The following PMS1 variants were observed in gnomAD, a reference collection of about 807,000 sequenced individuals.
PMS1 encodes the protein PMS1 homolog 1, mismatch repair system component.
In PMS1, 79 loss-of-function variants were observed where a neutral mutation model predicts 93.1. The ratio of observed to expected loss-of-function variants is 0.85; its 90% CI spans 0.71 to 1.02. The LOEUF is 1.02. Among genes scored for constraint, PMS1 ranks in the 50% least tolerant of loss-of-function variants. The pLI is 0.00. For synonymous variants in PMS1, 335 were observed against 363.4 expected (o/e 0.92, Z 0.89); for missense variants, 1,064 against 1,085.3 (o/e 0.98, Z 0.28).
chr2:189,793,252 C>T (rs2049051228), intron 2 of PMS1, among the ~76,000 whole-genome samples: 1 of 152,192 alleles, frequency 6.6e-6, no homozygotes, highest in African/African-American at 2.4e-5. Flanking sequence ...CAGTGGTTCT[C>T]ATGATGTTTG....
chr2:189,784,811 C>T (rs1480208972), intron 1 of PMS1: 1 of 152,310 alleles, frequency 6.6e-6, no homozygotes, highest in African/African-American at 2.4e-5. Flanking sequence ...TTTGTTGCGT[C>T]CCATTCCCCA....
At position 189,795,933 on chromosome 2, in the gene PMS1, A is replaced by G; in HGVS notation, c.297A>G (p.Ser99=). The G allele has an allele frequency of 6.2e-7, 1 of 1,609,870 alleles. No individual in the cohort carries two copies. Among genetic ancestry groups the G allele is most frequent in the Non-Finnish European group, 8.5e-7 (1 of 1,176,078 alleles). The change falls in exon 3 of 13, where the codon TCA becomes TCG. Residue 99 remains serine, a synonymous_variant. Coordinates refer to ENST00000441310, the MANE Select transcript of PMS1 (RefSeq NM_000534.5). ...TYGFRGEALG[S]ICCIAEVLIT... ...GTTTTCGTGGAGAAGCCTTGGGGTC[A>G]ATTTGTTGTATAGCTGAGGTAAGGT...
Position 189,864,081 on chromosome 2 carries a change from T to C in PMS1, c.2195T>C (p.Phe732Ser), listed in dbSNP as rs2056319903. 8 of 1,613,644 alleles carry C rather than the reference T, an allele frequency of 5.0e-6. No homozygotes were observed. Among genetic ancestry groups the C allele is most frequent in the Middle Eastern group, 1.6e-4 (1 of 6,084 alleles). The change falls in exon 10 of 13, where the codon TTT becomes TCT. Residue 732 changes from phenylalanine (F) to serine (S), a missense_variant. By Grantham distance (155) the Phe-to-Ser change is radical. Transcript: ENST00000441310. ...CCTTGCTTGATCCACAATCTCAGGT[T>C]TCCTGATGCATGGCTAATGACATCC... ...DEPCLIHNLR[F>S]PDAWLMTSKT...
chr2:189,850,914 G>T (rs2054640269), intron 6 of PMS1, among the ~76,000 whole-genome samples: 1 of 152,116 alleles, frequency 6.6e-6, no homozygotes, highest in Non-Finnish European at 1.5e-5. Context: ...GAGAGGGGCG[G>T]ACCATAGTTG....
intron 1 of PMS1, 40 bp from the exon 2 acceptor site, chr2:189,791,750 A>G: frequency 1.3e-6 from 2 of 1,490,760 alleles, no homozygotes; most frequent in Non-Finnish European, 1.9e-6. Flanking sequence ...TTGGTCAGGA[A>G]TGCTTAACAA....
intron 5 of PMS1, among the ~76,000 whole-genome samples, chr2:189,833,821 G>A: frequency 6.6e-6 from 1 of 152,058 alleles, no homozygotes; most frequent in South Asian, 2.1e-4. Context: ...TCCTTTATTT[G>A]TTATAGGAAG....
At chr2:189,787,890 G>T (rs1169354100) in intron 1 of PMS1, among the ~76,000 whole-genome samples, 1 of 152,130 alleles carries the variant, frequency 6.6e-6, no homozygotes, top group Non-Finnish European at 1.5e-5. Context: ...TAGGAGAGAA[G>T]AAAGATGACA....
chr2:189,872,084 C>T (rs1159207026), intron 11 of PMS1, among the ~76,000 whole-genome samples: 1 of 152,102 alleles, frequency 6.6e-6, no homozygotes, highest in African/African-American at 2.4e-5. Context: ...TCCCACTAGG[C>T]CCACCTTTAA....
At chr2:189,796,432 G>A (rs1319491551) in intron 3 of PMS1, among the ~76,000 whole-genome samples, 1 of 152,136 alleles carries the variant, frequency 6.6e-6, no homozygotes, top group Non-Finnish European at 1.5e-5. Context: ...CAGTGGCAGT[G>A]GCATTAGCTA....
chr2:189,871,630 C>A (rs2057156350), intron 11 of PMS1, among the ~76,000 whole-genome samples: 1 of 152,198 alleles, frequency 6.6e-6, no homozygotes, highest in African/African-American at 2.4e-5. Flanking sequence ...CCTCATCTTC[C>A]TGTCATCTTC....
Position 189,818,094 on chromosome 2 carries a change from A to G in PMS1, c.496A>G (p.Lys166Glu), listed in dbSNP as rs758921945. Reference protein sequence around the residue: ...KQFYSTAKKCKDEIKKIQDLL... With the variant: ...KQFYSTAKKCEDEIKKIQDLL... Reference sequence around the variant, plus strand: ...GTTTTACTCAACTGCAAAAAAATGTAAAGATGAAATAAAAAAGATCCAAGA... The same window carrying G: ...GTTTTACTCAACTGCAAAAAAATGTGAAGATGAAATAAAAAAGATCCAAGA... Residue 166 changes from lysine (K) to glutamate (E), a missense_variant, in exon 5 of 13, where the codon AAA becomes GAA. Transcript: ENST00000441310. The G allele has an allele frequency of 3.7e-6, 6 of 1,606,402 alleles. No homozygotes were observed. The South Asian group carries it at 4.4e-5, about 12-fold the overall frequency.
chr2:189,869,815 T>C (rs899144025), intron 11 of PMS1, among the ~76,000 whole-genome samples: 9 of 136,396 alleles, frequency 6.6e-5, no homozygotes, highest in African/African-American at 2.2e-4. Flanking sequence ...AGACTCCATC[T>C]TAAAAAAAAA....
At position 189,877,326 on chromosome 2, in the gene PMS1, A is replaced by T. The variant is rs771027683; in HGVS notation, c.2689A>T (p.Ile897Phe). The change falls in exon 13 of 13, where the codon ATC becomes TTC. Residue 897 changes from isoleucine (I) to phenylalanine (F), a missense_variant. Transcript: ENST00000441310. ...ACCCATGTACTTATCAAAAGAGGAC[A>T]TCCAAGACATTATCTACAGAATGAA... ...QLPMYLSKEDIQDIIYRMKHQ... is the reference protein window; with the variant it reads ...QLPMYLSKEDFQDIIYRMKHQ... 4 of 1,613,180 alleles carry T rather than the reference A, an allele frequency of 2.5e-6. No homozygotes were observed. The highest frequency in any genetic ancestry group is 3.3e-5 in the Admixed American group (2 of 60,014).
At chr2:189,867,007 T>G (rs999217022) in intron 10 of PMS1, among the ~76,000 whole-genome samples, 2 of 152,174 alleles carry the variant, frequency 1.3e-5, no homozygotes, top group Non-Finnish European at 2.9e-5. Context: ...CTCACAGCCA[T>G]TGGGGTCTTC....
intron 1 of PMS1, among the ~76,000 whole-genome samples, chr2:189,785,988 G>T (rs1290083632): frequency 6.6e-6 from 1 of 152,160 alleles, no homozygotes; most frequent in Non-Finnish European, 1.5e-5. Flanking sequence ...AGCCGGGCGT[G>T]GTAGTGCGCT....
At chr2:189,813,735 G>T (rs1575112402) in intron 4 of PMS1, among the ~76,000 whole-genome samples, 1 of 152,206 alleles carries the variant, frequency 6.6e-6, no homozygotes, top group Admixed American at 6.5e-5. Flanking sequence ...AGAAGAAATT[G>T]CCATATTCAT....
chr2:189,850,805 A>G (rs1186642013), intron 6 of PMS1, among the ~76,000 whole-genome samples: 2 of 152,122 alleles, frequency 1.3e-5, no homozygotes, highest in Non-Finnish European at 2.9e-5. Flanking sequence ...GGCTGCAGGG[A>G]GTCAAATAAG....
Position 189,854,929 on chromosome 2 carries a change from A to G in PMS1, c.1657A>G (p.Ile553Val). ...EDSCNKKSNV[I>V]DNKSGKVTAY... ...TTCATGTAACAAAAAATCAAATGTA[A>G]TAGATAATAAATCTGGAAAAGTTAC... is the stretch of plus-strand genomic sequence containing the variant. The change falls in exon 9 of 13, where the codon ATA (isoleucine) becomes GTA (valine). Residue 553 changes from isoleucine to valine, a missense_variant. By Grantham distance (29) the Ile-to-Val change is conservative. Coordinates refer to ENST00000441310, the MANE Select transcript of PMS1 (RefSeq NM_000534.5). 6.2e-7 allele frequency: 1 copy of G among 1,606,108 alleles called. No individual in the cohort carries two copies. The highest frequency in any genetic ancestry group is 1.1e-5 in the South Asian group (1 of 90,660).
intron 1 of PMS1, among the ~76,000 whole-genome samples, chr2:189,789,138 A>G (rs980440149): frequency 6.6e-6 from 1 of 152,220 alleles, no homozygotes; most frequent in African/African-American, 2.4e-5. Flanking sequence ...GGTAGTTAGT[A>G]TTTAAAAAGA....
Sources: gnomAD v4.1 joint callset for allele counts (sites outside exome capture counted in the v4.1 genomes callset) on GRCh38, gnomAD v4.1.1 for gene constraint, MANE v1.5 for transcripts, NCBI Gene and HGNC (gene_info 2026-07-23, HGNC 2026-07-21) for gene names.